The following RADIL variants were observed in gnomAD, a reference collection of about 807,000 sequenced individuals.
RADIL encodes the protein Rap associating with DIL domain, also known as ras-associating and dilute domain-containing protein.
RADIL carries 99 observed loss-of-function variants against 97.6 expected under a neutral mutation model. The observed-to-expected ratio is 1.01, with a 90% CI of 0.86 to 1.20. RADIL has a LOEUF of 1.20. Ranked by LOEUF, RADIL falls within the 50% of genes most tolerant of loss-of-function variation. RADIL has a pLI of 0.00. For synonymous variants in RADIL, 803 were observed against 691.8 expected, an observed-to-expected ratio of 1.16 and a Z score of -2.52; for missense variants, 1,765 against 1,498.9, an observed-to-expected ratio of 1.18 and a Z score of -2.93.
At position 4,855,113 on chromosome 7, in the gene RADIL, A is replaced by T. The variant is rs150927513; in HGVS notation, c.536-18508T>A. On this transcript the variant is annotated intron_variant, in intron 2 of 14. Transcript: ENST00000399583. ...CACTGACGCAGGCAGCTACGGTCTAATTTCACAACTTTATGGTATTTATTG... is the reference window on the plus strand; with the variant it reads ...CACTGACGCAGGCAGCTACGGTCTATTTTCACAACTTTATGGTATTTATTG... 6.5e-3 allele frequency among the ~76,000 whole-genome samples: 986 copies of T among 152,232 alleles called. 33 individuals are homozygous for T. Among genetic ancestry groups the T allele is most frequent in the Non-Finnish European group, 2.9e-3 (200 of 68,014 alleles).
Position 4,872,027 on chromosome 7 carries a change from A to G in RADIL, c.535+5578T>C, listed in dbSNP as rs115486601. 6.6e-6 allele frequency among the ~76,000 whole-genome samples: 1 copy of G among 151,978 alleles called. No individual in the cohort carries two copies. The highest frequency in any genetic ancestry group is 6.6e-5 in the Admixed American group (1 of 15,242). On this transcript the variant is annotated intron_variant, in intron 2 of 14. Coordinates refer to ENST00000399583, the MANE Select transcript of RADIL (RefSeq NM_018059.5). The surrounding 1 kb of genome is among the most constrained non-coding windows in gnomAD (Gnocchi z 5.8). ...GACTCTGCACGTCACCATCCCTGAG[A>G]CCCTGGGTTTGCCAGGCACCCAGCC...
chr7:4,815,972 G>A lies in RADIL; in HGVS notation c.1966+256C>T, dbSNP rs914476932. ...CCTGAGCCCGTTCCCTCCCTGTCACGGGGAAGGGGTCCCATGCAGACCTCT... is the reference window on the plus strand; with the variant it reads ...CCTGAGCCCGTTCCCTCCCTGTCACAGGGAAGGGGTCCCATGCAGACCTCT... On this transcript the variant is annotated intron_variant, in intron 8 of 14. Coordinates refer to ENST00000399583, the MANE Select transcript of RADIL (RefSeq NM_018059.5). The surrounding 1 kb of genome is among the most constrained non-coding windows in gnomAD (Gnocchi z 8.0). 1.3e-5 allele frequency among the ~76,000 whole-genome samples: 2 copies of A among 152,218 alleles called. No individual in the cohort carries two copies. The highest frequency in any genetic ancestry group is 2.9e-5 in the Non-Finnish European group (2 of 68,032).
intron 2 of RADIL, among the ~76,000 whole-genome samples, chr7:4,864,049 T>C (rs1478080305): frequency 6.6e-6 from 1 of 152,230 alleles, no homozygotes; most frequent in Non-Finnish European, 1.5e-5. Context: ...GCACTTTACA[T>C]AGAAAGATTT....
intron 5 of RADIL, 47 bp downstream of exon 5, chr7:4,832,094 C>T (rs758287799): frequency 6.2e-7 from 1 of 1,603,402 alleles, no homozygotes; most frequent in Non-Finnish European, 8.5e-7. Flanking sequence ...TGTGAGCCCC[C>T]AGGACCTGCT....
intron 5 of RADIL, among the ~76,000 whole-genome samples, chr7:4,826,732 C>CAAAAAAAAAAAACAAAAA (rs1782992120): frequency 1.2e-5 from 1 of 85,580 alleles, no homozygotes. Flanking sequence ...GACTCCGTCT[C>CAAAAAAAAAAAACAAAAA]AAAAAAAAAA....
intron 2 of RADIL, among the ~76,000 whole-genome samples, chr7:4,866,656 G>A (rs926855474): frequency 6.6e-6 from 1 of 152,180 alleles, no homozygotes; most frequent in African/African-American, 2.4e-5. Flanking sequence ...CCACTCCACT[G>A]CAATGCCTTT....
At chr7:4,812,454 C>T (rs916754989) in intron 9 of RADIL, among the ~76,000 whole-genome samples, 4 of 151,738 alleles carry the variant, frequency 2.6e-5, no homozygotes, top group Admixed American at 2.0e-4. Flanking sequence ...GACAGTCTTG[C>T]TCTGTCACCC....
At chr7:4,829,039 C>G (rs1783070893) in intron 5 of RADIL, among the ~76,000 whole-genome samples, 1 of 152,214 alleles carries the variant, frequency 6.6e-6, no homozygotes, top group African/African-American at 2.4e-5. Context: ...ACTAGAACTC[C>G]AGCTGTCCTG....
At position 4,834,085 on chromosome 7, in the gene RADIL, G is replaced by T. The variant is rs1245518528; in HGVS notation, c.1416+522C>A. 6.6e-6 allele frequency among the ~76,000 whole-genome samples: 1 copy of T among 152,194 alleles called. No homozygotes were observed. The highest frequency in any genetic ancestry group is 1.5e-5 in the Non-Finnish European group (1 of 68,022). ...GAGAGGCTGGCCTGGAGGAAAGTTC[G>T]TCAACGCACAAAAGGTGACGGGCCC... On this transcript the variant is annotated intron_variant, in intron 4 of 14. Transcript: ENST00000399583. This position sits in a 1 kb window ranked among gnomAD's most constrained non-coding sequence, Gnocchi z 6.0.
At chr7:4,861,026 G>C in intron 2 of RADIL, 1 of 1,614,194 alleles carries the variant, frequency 6.2e-7, no homozygotes. Flanking sequence ...TACTGCATTT[G>C]GATAAAGCTG....
Position 4,883,676 on chromosome 7 carries a change from C to G in RADIL, c.-145G>C, listed in dbSNP as rs1320338033. ...GCTGGGGCCGGCGCCCAGACCCGCG[C>G]GTGCCGCGGCGCCTCCTGCCGGCGG... On this transcript the variant is annotated 5_prime_UTR_variant, in exon 1 of 15. Transcript: ENST00000399583. This position sits in a 1 kb window ranked among gnomAD's most constrained non-coding sequence, Gnocchi z 7.1. 1 of 151,902 alleles carries G rather than the reference C, an allele frequency of 6.6e-6. No individual in the cohort carries two copies. Among genetic ancestry groups the G allele is most frequent in the Admixed American group, 6.6e-5 (1 of 15,242 alleles). The allele number at this position is 151,902 out of a possible 1,614,324, so 9.4% of individuals were successfully genotyped here. A position where few individuals can be genotyped will look rare whatever the true frequency, so the allele number is the denominator to read the frequency against.
At position 4,823,767 on chromosome 7, in the gene RADIL, C is replaced by G. The variant is rs982350132; in HGVS notation, c.1455-1213G>C. On this transcript the variant is annotated intron_variant, in intron 5 of 14. Transcript: ENST00000399583. ...TGTGTCTGTCTGGTGTGACTTGACACTGCCTTCTAGTGTCCTCAGCAGCCT... is the reference window on the plus strand; with the variant it reads ...TGTGTCTGTCTGGTGTGACTTGACAGTGCCTTCTAGTGTCCTCAGCAGCCT... 7.9e-5 allele frequency among the ~76,000 whole-genome samples: 12 copies of G among 152,334 alleles called. No individual in the cohort carries two copies. The South Asian group carries it at 2.1e-3, about 26-fold the overall frequency.
At chr7:4,799,591 T>TA in intron 14 of RADIL, 39 bp downstream of exon 14, 1 of 1,606,836 alleles carries the variant, frequency 6.2e-7, no homozygotes, top group Non-Finnish European at 8.5e-7. Flanking sequence ...GAGCAGGGCA[T>TA]CTGGGAGAAG....
At chr7:4,812,730 A>T (rs1403281024) in intron 9 of RADIL, among the ~76,000 whole-genome samples, 8 of 152,094 alleles carry the variant, frequency 5.3e-5, no homozygotes, top group Non-Finnish European at 1.2e-4. Flanking sequence ...CCTCTTATTC[A>T]ACTTTTCAAA....
At chr7:4,862,458 C>G (rs1784038808) in intron 2 of RADIL, among the ~76,000 whole-genome samples, 1 of 152,180 alleles carries the variant, frequency 6.6e-6, no homozygotes, top group African/African-American at 2.4e-5. Flanking sequence ...TTTAAGGGCG[C>G]GATACTGCTG....
intron 13 of RADIL, 25 bp downstream of exon 13, chr7:4,800,146 G>C (rs148833448): frequency 2.5e-6 from 4 of 1,592,454 alleles, no homozygotes; most frequent in Non-Finnish European, 2.6e-6. Context: ...GTATGGGGGT[G>C]CGGCGAGGGT....
intron 2 of RADIL, chr7:4,861,745 G>A: frequency 1.3e-6 from 2 of 1,506,944 alleles, no homozygotes; most frequent in Admixed American, 4.7e-5. Context: ...GCGAGGAGAC[G>A]CCGTAGCGAT....
At chr7:4,823,330 CCT>C (rs1491383394) in intron 5 of RADIL, among the ~76,000 whole-genome samples, 2 of 143,036 alleles carry the variant, frequency 1.4e-5, no homozygotes, top group Non-Finnish European at 1.5e-5. Flanking sequence ...TTATTAAAAA[CCT>C]TTTTTTTTTT....
At chr7:4,802,230 GC>G (rs1173965942) in intron 11 of RADIL, among the ~76,000 whole-genome samples, 2 of 152,208 alleles carry the variant, frequency 1.3e-5, no homozygotes. Context: ...CCCGCCTGCT[GC>G]CCCCAGCCCA....
Sources: allele counts gnomAD v4.1 joint callset (sites outside exome capture counted in the v4.1 genomes callset), GRCh38; gene constraint gnomAD v4.1.1; non-coding constraint Gnocchi (gnomAD v3.1); transcripts MANE v1.5; gene names NCBI Gene and HGNC (gene_info 2026-07-23, HGNC 2026-07-21).